The following FBN2 variants were observed in gnomAD, a reference collection of about 807,000 sequenced individuals.
The protein encoded by FBN2 is fibrillin-2.
Under a neutral mutation model 355.6 loss-of-function variants are expected in FBN2, and 105 were observed. The ratio of observed to expected loss-of-function variants is 0.30; its 90% confidence interval spans 0.25 to 0.35. The LOEUF (loss-of-function observed/expected upper bound fraction) is 0.35, where lower values mean the gene tolerates loss of function less well. FBN2 is among the 10% of genes least tolerant of loss of function. The pLI is 1.00. For missense variants in FBN2, 3,280 were observed against 3,758.7 expected (o/e 0.87, Z 3.33); for synonymous variants, 1,350 against 1,301.2 (o/e 1.04, Z -0.81).
intron 55 of FBN2, among the ~76,000 whole-genome samples, chr5:128,284,242 G>A (rs544925997): frequency 6.6e-5 from 10 of 152,210 alleles, no homozygotes; most frequent in Admixed American, 2.6e-4. Context: ...TCCTATGAAA[G>A]TGTGCTCAAA....
chr5:128,466,833 C>T (rs925261670), intron 5 of FBN2, among the ~76,000 whole-genome samples: 4 of 152,166 alleles, frequency 2.6e-5, no homozygotes, highest in African/African-American at 4.8e-5. Flanking sequence ...AACAAACACA[C>T]TTCCTATACT....
At chr5:128,498,050 G>A (rs927439978) in intron 5 of FBN2, among the ~76,000 whole-genome samples, 1 of 152,150 alleles carries the variant, frequency 6.6e-6, no homozygotes, top group African/African-American at 2.4e-5. Flanking sequence ...GAGAGGCATG[G>A]CAGAGCCCAG....
At chr5:128,495,859 G>A (rs1755642247) in intron 5 of FBN2, among the ~76,000 whole-genome samples, 1 of 152,036 alleles carries the variant, frequency 6.6e-6, no homozygotes, top group South Asian at 2.1e-4. Flanking sequence ...GGATAATGAA[G>A]TAATACTCTG....
chr5:128,403,916 C>A (rs1449749185), intron 8 of FBN2, among the ~76,000 whole-genome samples: 1 of 152,120 alleles, frequency 6.6e-6, no homozygotes, highest in Non-Finnish European at 1.5e-5. Context: ...TTTTCCAGCA[C>A]ACAAAAGAAA....
At chr5:128,365,101 G>T (rs1048684211) in intron 17 of FBN2, 1 of 190,892 alleles carries the variant, frequency 5.2e-6, no homozygotes, top group Non-Finnish European at 1.1e-5. Flanking sequence ...ATTTATTAGG[G>T]TGGCCCATAT....
At chr5:128,370,024 T>C (rs1282748466) in intron 15 of FBN2, among the ~76,000 whole-genome samples, 2 of 152,188 alleles carry the variant, frequency 1.3e-5, no homozygotes, top group East Asian at 3.8e-4. Flanking sequence ...CACAGCTACC[T>C]ATGTAGTTTG....
chr5:128,309,957 A>T, intron 40 of FBN2, 26 bp downstream of exon 40: 2 of 1,611,978 alleles, frequency 1.2e-6, no homozygotes, highest in African/African-American at 1.3e-5. Context: ...ACTGTGCTCT[A>T]ATTAATCTCA....
chr5:128,478,837 C>T (rs543359230), intron 5 of FBN2, among the ~76,000 whole-genome samples: 1 of 152,264 alleles, frequency 6.6e-6, no homozygotes, highest in East Asian at 1.9e-4. Flanking sequence ...CCTTAATGTA[C>T]TCTTGTGCAT....
chr5:128,440,944 C>T (rs1363861441), intron 7 of FBN2, among the ~76,000 whole-genome samples: 1 of 152,098 alleles, frequency 6.6e-6, no homozygotes, highest in African/African-American at 2.4e-5. Context: ...ATTATGAGTG[C>T]AGTGCTTAAA....
chr5:128,415,510 C>T (rs1050636210), intron 7 of FBN2, among the ~76,000 whole-genome samples: 2 of 152,266 alleles, frequency 1.3e-5, no homozygotes, highest in East Asian at 1.9e-4. Flanking sequence ...TCCAGTTCCA[C>T]CCACGTTGCT....
At position 128,328,713 on chromosome 5, in the gene FBN2, T is replaced by C. The variant is rs199665922; in HGVS notation, c.4454A>G (p.Asp1485Gly). 2.7e-4 allele frequency: 437 copies of C among 1,614,050 alleles called. 1 individual carries two copies. The highest frequency in any genetic ancestry group is 3.1e-4 in the South Asian group (28 of 91,076). ...TGACCCACCTTGGCAGGATCTGCTG[T>C]CTGAGGCTGGAGTGAAGCCCATCTC... is the stretch of plus-strand genomic sequence containing the variant. ...ECEMGFTPASDSRSCQDIDEC... is the reference protein window; with the variant it reads ...ECEMGFTPASGSRSCQDIDEC... Residue 1485 changes from aspartate to glycine, a missense_variant, in exon 34 of 65, where the codon GAC becomes GGC. This residue lies in a region of FBN2 where 2,284 missense variants were observed against 2,749.5 expected (regional missense o/e 0.83). Coordinates refer to ENST00000262464, the MANE Select transcript of FBN2 (RefSeq NM_001999.4).
chr5:128,273,060 A>G (rs1459950539), intron 61 of FBN2, among the ~76,000 whole-genome samples: 1 of 152,206 alleles, frequency 6.6e-6, no homozygotes, highest in East Asian at 1.9e-4. Flanking sequence ...TATATTTCTA[A>G]GAATAGTTAA....
At chr5:128,500,777 C>T (rs1755789198) in intron 5 of FBN2, among the ~76,000 whole-genome samples, 1 of 151,988 alleles carries the variant, frequency 6.6e-6, no homozygotes, top group East Asian at 1.9e-4. Context: ...GAGCTGAGTT[C>T]GTCTTTAGCT....
chr5:128,280,331 A>G lies in FBN2; in HGVS notation c.7013-14T>C. 6.3e-7 allele frequency: 1 copy of G among 1,597,608 alleles called. No homozygotes were observed. Among genetic ancestry groups the G allele is most frequent in the Middle Eastern group, 1.7e-4 (1 of 6,022 alleles). ...ATTCATTTTCATCTTTAGAAAAACA[A>G]ACAATATGAATAATGAGAAAACTGT... On this transcript the variant is annotated splice_polypyrimidine_tract_variant and intron_variant, in intron 55 of 64. Transcript: ENST00000262464.
rs998131843 is a variant in FBN2 at position 128,537,793 on chromosome 5, G to A, written c.-190C>T. 51 of 630,126 alleles carry A rather than the reference G, an allele frequency of 8.1e-5. No homozygotes were observed. The highest frequency in any genetic ancestry group is 1.2e-4 in the Non-Finnish European group (42 of 362,800). 39.0% of individuals were successfully genotyped at this position (630,126 alleles called of 1,614,324 possible). A position where few individuals can be genotyped will look rare whatever the true frequency, so the allele number is the denominator to read the frequency against. On this transcript the variant is annotated 5_prime_UTR_variant, in exon 1 of 65. Coordinates refer to ENST00000262464, the MANE Select transcript of FBN2 (RefSeq NM_001999.4). ...CCGGCCCCCTGACTGCCCGCGAAGC[G>A]AGACGCGGGGCGCCGGGTCTAGCGC...
intron 56 of FBN2, among the ~76,000 whole-genome samples, chr5:128,279,633 C>T (rs1245073606): frequency 1.3e-5 from 2 of 152,050 alleles, no homozygotes; most frequent in Non-Finnish European, 2.9e-5. Context: ...GCTCTTATTT[C>T]TTTGTTTACC....
chr5:128,267,020 C>G (rs936752295), intron 62 of FBN2, among the ~76,000 whole-genome samples: 1 of 151,622 alleles, frequency 6.6e-6, no homozygotes, highest in Non-Finnish European at 1.5e-5. Flanking sequence ...CCTTCCTTTC[C>G]CTGCGTCTAT....
At chr5:128,261,135 CAGAT>C (rs1226006972) in intron 64 of FBN2, among the ~76,000 whole-genome samples, 1 of 152,150 alleles carries the variant, frequency 6.6e-6, no homozygotes, top group Non-Finnish European at 1.5e-5. Context: ...ACAGAGGTAA[CAGAT>C]AGGGAGGGCC....
rs146183629 is a variant in FBN2 at position 128,335,270 on chromosome 5, A to C, written c.3873T>G (p.Pro1291=). The change falls in exon 30 of 65, where the codon CCT becomes CCG. Residue 1291 remains proline (P), a synonymous_variant. Transcript: ENST00000262464. ...TACACTGGCCGCCATCACAGATATCAGGATTGTTTTCACATTCATCAATGT... is the reference window on the plus strand; with the variant it reads ...TACACTGGCCGCCATCACAGATATCCGGATTGTTTTCACATTCATCAATGT... ...CADIDECENN[P]DICDGGQCTN... is the part of the protein sequence containing the mutation. The C allele has an allele frequency of 2.5e-6, 4 of 1,614,054 alleles. No individual in the cohort carries two copies. The African/African-American group carries it at 5.3e-5, about 22-fold the overall frequency.
Sources: allele counts gnomAD v4.1 joint callset (sites outside exome capture counted in the v4.1 genomes callset), GRCh38; gene constraint gnomAD v4.1.1; regional missense constraint gnomAD v4.1.1; transcripts MANE v1.5; gene names NCBI Gene and HGNC (gene_info 2026-07-23, HGNC 2026-07-21).